The following ITPK1 variants were observed in gnomAD, a reference collection of about 807,000 sequenced individuals.
The protein encoded by ITPK1 is inositol-tetrakisphosphate 1-kinase, also known as inositol 1,3,4-trisphosphate 5/6-kinase.
ITPK1 carries 21 observed loss-of-function variants against 45.3 expected under a neutral mutation model. That is an observed-to-expected ratio of 0.46 (90% CI 0.33 to 0.67). ITPK1 has a LOEUF of 0.67. Ranked by LOEUF, ITPK1 falls within the 30% of genes least tolerant of loss-of-function variation. ITPK1 has a pLI of 0.02. For synonymous variants in ITPK1, 258 were observed against 253.6 expected (o/e 1.02, Z -0.16); for missense variants, 474 against 573.5 (o/e 0.83, Z 1.77).
At position 92,938,772 on chromosome 14, in the gene ITPK1, G is replaced by A; in HGVS notation, c.*2789C>T. ...GCCTCCCCTTGGCTCTTGGGGTGGG[G>A]ACACCCAGCAGCTGGCACTCAGTTG... On this transcript the variant is annotated 3_prime_UTR_variant, in exon 11 of 11. Coordinates refer to ENST00000267615, the MANE Select transcript of ITPK1 (RefSeq NM_014216.6). 1.7e-6 allele frequency: 1 copy of A among 589,918 alleles called. No individual in the cohort carries two copies. Among genetic ancestry groups the A allele is most frequent in the Non-Finnish European group, 3.0e-6 (1 of 331,828 alleles). 36.5% of individuals were successfully genotyped at this position (589,918 alleles called of 1,614,324 possible).
At chr14:93,082,063 A>C (rs900098904) in intron 2 of ITPK1, among the ~76,000 whole-genome samples, 1 of 151,994 alleles carries the variant, frequency 6.6e-6, no homozygotes, top group Non-Finnish European at 1.5e-5. Context: ...CTGCTTGTCC[A>C]CAAGAGCGAC....
chr14:93,047,402 C>T (rs1174724782), intron 3 of ITPK1, among the ~76,000 whole-genome samples: 1 of 152,210 alleles, frequency 6.6e-6, no homozygotes, highest in Non-Finnish European at 1.5e-5. Context: ...TACTTGAAAA[C>T]AGGGTCTTTG....
chr14:92,953,540 T>G (rs915940218), intron 8 of ITPK1, among the ~76,000 whole-genome samples: 1 of 152,178 alleles, frequency 6.6e-6, no homozygotes, highest in Non-Finnish European at 1.5e-5. Flanking sequence ...CACCTTCTCA[T>G]CCTGTAGCCC....
In ITPK1 at chr14:92,939,981, G is replaced by C. The variant is rs1370059033; in HGVS notation, c.*1580C>G. 6 of 985,762 alleles carry C rather than the reference G, an allele frequency of 6.1e-6. No homozygotes were observed. In the African/African-American group the frequency reaches 1.0e-4, roughly 17 times the overall value. The allele number at this position is 985,762 out of a possible 1,614,324, so 61.1% of individuals were successfully genotyped here. A position where few individuals can be genotyped will look rare whatever the true frequency, so the allele number is the denominator to read the frequency against. On this transcript the variant is annotated 3_prime_UTR_variant, in exon 11 of 11. Transcript: ENST00000267615. ...AAAGGTGACGTACAGACATTAATCG[G>C]GGTTCAAAACTCAAGTCGTGTAAAC...
At chr14:93,100,642 C>T (rs1892279122) in intron 2 of ITPK1, among the ~76,000 whole-genome samples, 2 of 152,030 alleles carry the variant, frequency 1.3e-5, no homozygotes, top group Admixed American at 1.3e-4. Context: ...AGCCAGAATG[C>T]CCCAAGGATC....
intron 9 of ITPK1, among the ~76,000 whole-genome samples, chr14:92,946,720 C>T (rs770408840): frequency 3.3e-5 from 5 of 152,240 alleles, no homozygotes; most frequent in Non-Finnish European, 7.3e-5. Flanking sequence ...GGGCTCATCA[C>T]AGCCTGGAAG....
chr14:93,011,662 G>A (rs1348209549), intron 4 of ITPK1, among the ~76,000 whole-genome samples: 1 of 152,156 alleles, frequency 6.6e-6, no homozygotes, highest in Non-Finnish European at 1.5e-5. Flanking sequence ...CGGAGGGAGG[G>A]GATGCTCAGG....
At chr14:92,954,283 G>A (rs1249591762) in intron 8 of ITPK1, among the ~76,000 whole-genome samples, 1 of 152,254 alleles carries the variant, frequency 6.6e-6, no homozygotes, top group Non-Finnish European at 1.5e-5. Context: ...TCCTCTCTAT[G>A]TGCGGTCTGA....
rs549189878 is a variant in ITPK1 at position 92,950,438 on chromosome 14, T to C, written c.738+1508A>G. Among the ~76,000 whole-genome samples the C allele has an allele frequency of 2.0e-5, 3 of 152,362 alleles. No individual in the cohort carries two copies. In the East Asian group the frequency reaches 5.8e-4, roughly 29 times the overall value. ...AAGGTGGTGCTGACCGCATTTCTCT[T>C]TTCTATTTTTGGAAATCGTCAGTCC... On this transcript the variant is annotated intron_variant, in intron 9 of 10. Coordinates refer to ENST00000267615, the MANE Select transcript of ITPK1 (RefSeq NM_014216.6).
intron 3 of ITPK1, among the ~76,000 whole-genome samples, chr14:93,039,595 C>T (rs1281971546): frequency 2.0e-5 from 3 of 152,198 alleles, no homozygotes; most frequent in Non-Finnish European, 2.9e-5. Context: ...ATCTTGAATC[C>T]GCTGCTCGCA....
At chr14:92,989,074 C>A (rs923555016) in intron 5 of ITPK1, among the ~76,000 whole-genome samples, 1 of 152,126 alleles carries the variant, frequency 6.6e-6, no homozygotes, top group Admixed American at 6.5e-5. Context: ...CCACCAATCA[C>A]AAACACCCAC....
At chr14:93,072,387 A>G (rs1371585703) in intron 3 of ITPK1, among the ~76,000 whole-genome samples, 1 of 152,050 alleles carries the variant, frequency 6.6e-6, no homozygotes, top group South Asian at 2.1e-4. Context: ...AATTTTTTGA[A>G]AAATTATTTC....
intron 3 of ITPK1, among the ~76,000 whole-genome samples, chr14:93,054,541 T>G (rs541257930): frequency 6.6e-6 from 1 of 152,180 alleles, no homozygotes; most frequent in Non-Finnish European, 1.5e-5. Context: ...CTATTCTAAC[T>G]AGACACTGGG....
At chr14:92,960,336 C>A (rs577625240) in intron 7 of ITPK1, among the ~76,000 whole-genome samples, 3 of 152,166 alleles carry the variant, frequency 2.0e-5, no homozygotes, top group Non-Finnish European at 2.9e-5. Flanking sequence ...GCACCTGGAT[C>A]CAGAACCCCC....
intron 2 of ITPK1, among the ~76,000 whole-genome samples, chr14:93,107,853 G>A (rs1274855334): frequency 6.6e-6 from 1 of 152,220 alleles, no homozygotes; most frequent in Non-Finnish European, 1.5e-5. Flanking sequence ...CAGGCCACAA[G>A]GGCAGCTGCT....
intron 3 of ITPK1, among the ~76,000 whole-genome samples, chr14:93,021,219 A>C (rs888360629): frequency 7.2e-5 from 11 of 152,016 alleles, no homozygotes; most frequent in Admixed American, 6.6e-4. Context: ...CCATTGCCAA[A>C]GTTCAAAGGC....
Position 93,032,329 on chromosome 14 carries a change from G to A in ITPK1, c.121-15528C>T, listed in dbSNP as rs1261820942. 6.7e-6 allele frequency among the ~76,000 whole-genome samples: 1 copy of A among 148,876 alleles called. No homozygotes were observed. The highest frequency in any genetic ancestry group is 2.5e-5 in the African/African-American group (1 of 40,016). On this transcript the variant is annotated intron_variant, in intron 3 of 10. Coordinates refer to ENST00000267615, the MANE Select transcript of ITPK1 (RefSeq NM_014216.6). The surrounding 1 kb of genome is among the most constrained non-coding windows in gnomAD (Gnocchi z 4.0). Reference sequence around the variant, plus strand: ...TACGCCACTGCACTCCAGGCTGGGCGACAGAGCGAGACTCCATCTCAAATA... The same window carrying A: ...TACGCCACTGCACTCCAGGCTGGGCAACAGAGCGAGACTCCATCTCAAATA...
intron 5 of ITPK1, among the ~76,000 whole-genome samples, chr14:92,980,701 A>C (rs1169290395): frequency 6.6e-6 from 1 of 152,072 alleles, no homozygotes. Flanking sequence ...TTTGAGATGG[A>C]GTCTCACTCT....
At chr14:92,999,497 C>T (rs1887231465) in intron 4 of ITPK1, among the ~76,000 whole-genome samples, 1 of 152,236 alleles carries the variant, frequency 6.6e-6, no homozygotes, top group South Asian at 2.1e-4. Context: ...TCCTGCTCCA[C>T]ACGCTGCTTA....
Sources: gnomAD v4.1 joint callset for allele counts (sites outside exome capture counted in the v4.1 genomes callset) on GRCh38, gnomAD v4.1.1 for gene constraint, Gnocchi (gnomAD v3.1) non-coding constraint, MANE v1.5 for transcripts, NCBI Gene and HGNC (gene_info 2026-07-23, HGNC 2026-07-21) for gene names.